The following TTLL11 variants were observed in gnomAD, a reference collection of about 807,000 sequenced individuals.
TTLL11 encodes the protein tubulin polyglutamylase TTLL11.
A neutral mutation model predicts 51.7 loss-of-function variants in TTLL11; 42 were observed. The observed-to-expected ratio is 0.81, with a 90% CI of 0.64 to 1.05. TTLL11 has a LOEUF of 1.05. Ranked by LOEUF, TTLL11 falls within the 50% of genes least tolerant of loss-of-function variation. The pLI is 0.00. For missense variants in TTLL11, 799 were observed against 940.4 expected (o/e 0.85, Z 1.97); for synonymous variants, 381 against 383.5 (o/e 0.99, Z 0.08).
intron 1 of TTLL11, among the ~76,000 whole-genome samples, 194 bp downstream of exon 1, chr9:122,092,492 GC>G: frequency 6.6e-6 from 1 of 152,292 alleles, no homozygotes; most frequent in African/African-American, 2.4e-5. Context: ...GGTCTGGGGG[GC>G]CCTCTTGGAG....
chr9:121,969,514 A>G (rs1053508569), intron 6 of TTLL11, among the ~76,000 whole-genome samples: 2 of 151,926 alleles, frequency 1.3e-5, no homozygotes, highest in African/African-American at 4.8e-5. Context: ...CAGTCTGGGG[A>G]GATGAGGAGT....
At chr9:122,015,161 T>C (rs772765804) in intron 3 of TTLL11, among the ~76,000 whole-genome samples, 1 of 152,150 alleles carries the variant, frequency 6.6e-6, no homozygotes, top group Non-Finnish European at 1.5e-5. Flanking sequence ...CAGTCGTCAT[T>C]TGGGCTGTTT....
intron 4 of TTLL11, among the ~76,000 whole-genome samples, chr9:121,988,013 C>T (rs1030828175): frequency 2.6e-5 from 4 of 152,076 alleles, no homozygotes; most frequent in Non-Finnish European, 4.4e-5. Flanking sequence ...GGTCCTCTTC[C>T]GGGGCCTCCA....
At chr9:122,046,514 T>G (rs1379268211) in intron 1 of TTLL11, among the ~76,000 whole-genome samples, 1 of 152,182 alleles carries the variant, frequency 6.6e-6, no homozygotes, top group Non-Finnish European at 1.5e-5. Flanking sequence ...GTGGCTCTAC[T>G]CTGAGCTGTC....
intron 1 of TTLL11, among the ~76,000 whole-genome samples, chr9:122,066,767 C>T (rs1845595187): frequency 6.6e-6 from 1 of 152,152 alleles, no homozygotes; most frequent in Non-Finnish European, 1.5e-5. Flanking sequence ...TCAAGAACTG[C>T]CCCAGACTGG....
Position 122,065,282 on chromosome 9 carries a change from GTAAT to G in TTLL11, c.463-25918_463-25915del, listed in dbSNP as rs561745162. On this transcript the variant is annotated intron_variant, in intron 1 of 8. Coordinates refer to ENST00000321582, the MANE Select transcript of TTLL11 (RefSeq NM_001139442.2). ...TAAGAACTGGGTAGAGTTCCTCGAA[GTAAT>G]TTAGCCTCGCAAGAAGAAAAGGAAT... Among the ~76,000 whole-genome samples, 311 of 152,276 alleles carry G rather than the reference GTAAT, an allele frequency of 2.0e-3. 4 individuals are homozygous for G. Among genetic ancestry groups the G allele is most frequent in the Non-Finnish European group, 1.7e-3 (113 of 68,022 alleles).
chr9:121,892,141 T>C (rs984940322), intron 6 of TTLL11, among the ~76,000 whole-genome samples: 13 of 147,196 alleles, frequency 8.8e-5, no homozygotes, highest in African/African-American at 2.0e-4. Flanking sequence ...TTTATATATA[T>C]ACACACATAC....
At chr9:122,015,787 A>T (rs1843948141) in intron 3 of TTLL11, among the ~76,000 whole-genome samples, 1 of 147,762 alleles carries the variant, frequency 6.8e-6, no homozygotes, top group African/African-American at 2.6e-5. Context: ...CTAACTTTTG[A>T]TGACTAAACT....
chr9:121,905,651 C>T (rs1323686364), intron 6 of TTLL11, among the ~76,000 whole-genome samples: 1 of 152,150 alleles, frequency 6.6e-6, no homozygotes, highest in Non-Finnish European at 1.5e-5. Context: ...CTGCACCCAG[C>T]CATTTAACAT....
chr9:122,000,018 C>G (rs1014403135), intron 3 of TTLL11, among the ~76,000 whole-genome samples: 2 of 152,118 alleles, frequency 1.3e-5, no homozygotes, highest in African/African-American at 2.4e-5. Context: ...ATTAATACAT[C>G]TTAATACTTT....
chr9:122,000,680 T>C (rs1290592903), intron 3 of TTLL11, among the ~76,000 whole-genome samples: 1 of 152,096 alleles, frequency 6.6e-6, no homozygotes, highest in Non-Finnish European at 1.5e-5. Flanking sequence ...GAGGCATGAA[T>C]AATCCACCCT....
chr9:121,933,403 G>A (rs1306262323), intron 6 of TTLL11, among the ~76,000 whole-genome samples: 1 of 152,126 alleles, frequency 6.6e-6, no homozygotes, highest in Non-Finnish European at 1.5e-5. Flanking sequence ...GAGTCAGGCT[G>A]GAGTAACTGA....
chr9:121,912,573 A>G (rs1169174104), intron 6 of TTLL11, among the ~76,000 whole-genome samples: 1 of 151,818 alleles, frequency 6.6e-6, no homozygotes, highest in East Asian at 1.9e-4. Context: ...TCCCTTCTAT[A>G]CCTTATATAC....
intron 6 of TTLL11, among the ~76,000 whole-genome samples, chr9:121,937,775 C>A (rs1212140005): frequency 1.3e-5 from 2 of 151,528 alleles, no homozygotes; most frequent in African/African-American, 4.9e-5. Context: ...GAACATCAAA[C>A]CCTCAGGGAA....
Position 122,062,343 on chromosome 9 carries a change from A to T in TTLL11, c.463-22975T>A, listed in dbSNP as rs535991746. On this transcript the variant is annotated intron_variant, in intron 1 of 8. Coordinates refer to ENST00000321582, the MANE Select transcript of TTLL11 (RefSeq NM_001139442.2). ...GCCAAGCTTCTCTTCAACATCTTCT[A>T]TTTGATCTGATAGATATGACCTACG... Among the ~76,000 whole-genome samples the T allele has an allele frequency of 1.3e-3, 195 of 150,752 alleles. 1 individual carries two copies. Among genetic ancestry groups the T allele is most frequent in the African/African-American group, 4.2e-3 (173 of 40,900 alleles).
At chr9:121,855,698 T>A (rs1837794647) in intron 8 of TTLL11, among the ~76,000 whole-genome samples, 1 of 152,192 alleles carries the variant, frequency 6.6e-6, no homozygotes, top group African/African-American at 2.4e-5. Flanking sequence ...GAGCCACGGT[T>A]CTCACACTCA....
intron 6 of TTLL11, among the ~76,000 whole-genome samples, chr9:121,944,653 G>T (rs1841602571): frequency 6.6e-6 from 1 of 152,044 alleles, no homozygotes; most frequent in Non-Finnish European, 1.5e-5. Context: ...AAATTCCTAT[G>T]TCATAAAGCG....
chr9:122,031,652 G>A, intron 3 of TTLL11, 71 bp downstream of exon 3: 2 of 1,550,880 alleles, frequency 1.3e-6, no homozygotes. Flanking sequence ...CCAGCTCCCA[G>A]CACACAGGAC....
chr9:121,953,555 C>T (rs1156586682), intron 6 of TTLL11, among the ~76,000 whole-genome samples: 1 of 151,268 alleles, frequency 6.6e-6, no homozygotes, highest in East Asian at 1.9e-4. Flanking sequence ...TTGCCTGAAC[C>T]CAGGAGGCGG....
Sources: gnomAD v4.1 joint callset for allele counts (sites outside exome capture counted in the v4.1 genomes callset) on GRCh38, gnomAD v4.1.1 for gene constraint, MANE v1.5 for transcripts, NCBI Gene and HGNC (gene_info 2026-07-23, HGNC 2026-07-21) for gene names.